Variants in RAB3C observed in about 807,000 individuals in gnomAD.
RAB3C encodes RAB3C, member RAS oncogene family, also known as ras-related protein Rab-3C.
In RAB3C, 17 loss-of-function variants were observed where a neutral mutation model predicts 26.4. The observed-to-expected ratio is 0.64, with a 90% confidence interval of 0.44 to 0.97. The LOEUF (loss-of-function observed/expected upper bound fraction) is 0.97. RAB3C is among the 50% of genes least tolerant of loss of function. The pLI, the probability that RAB3C is intolerant of heterozygous loss-of-function variation, is 0.00. For synonymous variants in RAB3C, 91 were observed against 95.9 expected, an observed-to-expected ratio of 0.95 and a Z score of 0.30; for missense variants, 242 against 281.9, an observed-to-expected ratio of 0.86 and a Z score of 1.01.
chr5:58,820,881 G>T (rs1743324973), intron 3 of RAB3C, among the ~76,000 whole-genome samples: 1 of 152,124 alleles, frequency 6.6e-6, no homozygotes, highest in Non-Finnish European at 1.5e-5. Context: ...ACCTATTACA[G>T]CAGCCTGAGA....
intron 2 of RAB3C, chr5:58,644,331 G>A (rs1302623448): frequency 1.3e-5 from 2 of 152,202 alleles, no homozygotes; most frequent in African/African-American, 2.4e-5. Flanking sequence ...ACTTCTCTGA[G>A]CTTCAGTTGT....
intron 1 of RAB3C, among the ~76,000 whole-genome samples, chr5:58,609,466 TAGTGCAA>T (rs569844134): frequency 1.1e-3 from 162 of 152,292 alleles, no homozygotes; most frequent in African/African-American, 3.7e-3. Context: ...CTTCTAGGGA[TAGTGCAA>T]AGATTAGGTG....
At chr5:58,782,344 A>G (rs1217079325) in intron 3 of RAB3C, among the ~76,000 whole-genome samples, 1 of 152,138 alleles carries the variant, frequency 6.6e-6, no homozygotes, top group Non-Finnish European at 1.5e-5. Flanking sequence ...TCAAAAATCT[A>G]CATGCCCCCC....
At chr5:58,724,823 C>T (rs773220561) in intron 2 of RAB3C, among the ~76,000 whole-genome samples, 16 of 151,524 alleles carry the variant, frequency 1.1e-4, no homozygotes, top group Non-Finnish European at 2.1e-4. Context: ...AAAAAAAACC[C>T]TCTGCACTTT....
intron 3 of RAB3C, among the ~76,000 whole-genome samples, chr5:58,750,108 C>T (rs1207800346): frequency 1.3e-5 from 2 of 151,994 alleles, no homozygotes; most frequent in East Asian, 3.9e-4. Flanking sequence ...TAACCTGTAT[C>T]AAACAATTTT....
At chr5:58,592,135 G>A (rs1365052602) in intron 1 of RAB3C, among the ~76,000 whole-genome samples, 4 of 151,996 alleles carry the variant, frequency 2.6e-5, no homozygotes, top group Non-Finnish European at 5.9e-5. Context: ...CTGACCTCAG[G>A]TGATCCACCT....
At chr5:58,702,403 GC>G (rs1461260555) in intron 2 of RAB3C, among the ~76,000 whole-genome samples, 1 of 151,826 alleles carries the variant, frequency 6.6e-6, no homozygotes, top group Non-Finnish European at 1.5e-5. Flanking sequence ...GGCTATTCTT[GC>G]CCTACAAAGC....
intron 3 of RAB3C, among the ~76,000 whole-genome samples, chr5:58,768,000 C>G (rs1741945711): frequency 6.6e-6 from 1 of 152,080 alleles, no homozygotes; most frequent in South Asian, 2.1e-4. Flanking sequence ...AAAAGCCAGC[C>G]CCTGACACAG....
At chr5:58,587,159 A>G (rs544485284) in intron 1 of RAB3C, among the ~76,000 whole-genome samples, 1 of 152,300 alleles carries the variant, frequency 6.6e-6, no homozygotes, top group Admixed American at 6.5e-5. Context: ...GCAAAAATTC[A>G]CTTTTGTAGT....
At chr5:58,661,800 C>T (rs1218259899) in intron 2 of RAB3C, among the ~76,000 whole-genome samples, 7 of 149,056 alleles carry the variant, frequency 4.7e-5, no homozygotes, top group Admixed American at 4.6e-4. Flanking sequence ...TCCTCTGAAG[C>T]TCACATGATA....
chr5:58,795,761 A>T (rs1742630733), intron 3 of RAB3C, among the ~76,000 whole-genome samples: 1 of 152,312 alleles, frequency 6.6e-6, no homozygotes, highest in East Asian at 1.9e-4. Flanking sequence ...GAGCTGATGC[A>T]AAGAAATTCT....
chr5:58,825,196 T>C (rs760310987), intron 4 of RAB3C, 34 bp downstream of exon 4: 18 of 1,592,588 alleles, frequency 1.1e-5, no homozygotes, highest in Non-Finnish European at 1.0e-5. Flanking sequence ...AAAAGAAAGA[T>C]AATTTGCTTA....
At chr5:58,714,620 T>C (rs1186187140) in intron 2 of RAB3C, among the ~76,000 whole-genome samples, 1 of 152,106 alleles carries the variant, frequency 6.6e-6, no homozygotes, top group Non-Finnish European at 1.5e-5. Flanking sequence ...GTTTAAAATA[T>C]AAAACATTGT....
At chr5:58,599,640 T>A (rs1010019420) in intron 1 of RAB3C, among the ~76,000 whole-genome samples, 1 of 152,154 alleles carries the variant, frequency 6.6e-6, no homozygotes, top group Non-Finnish European at 1.5e-5. Flanking sequence ...TGGCCTTTGA[T>A]ACTAGTAGGA....
At chr5:58,621,718 G>T (rs1345500371) in intron 2 of RAB3C, among the ~76,000 whole-genome samples, 1 of 152,138 alleles carries the variant, frequency 6.6e-6, no homozygotes, top group Non-Finnish European at 1.5e-5. Context: ...TGGGATTACA[G>T]GTGTGTGCCA....
rs532811889 is a variant in RAB3C at position 58,739,704 on chromosome 5, G to A, written c.371+13584G>A. Among the ~76,000 whole-genome samples, 142 of 152,234 alleles carry A rather than the reference G, an allele frequency of 9.3e-4. 1 individual carries two copies. In the Middle Eastern group the frequency reaches 0.02, roughly 22 times the overall value. ...CCTTTCTAGACCATCAATTTTCAAA[G>A]CAAGGATAAAAATTATAGTGTAAGT... is the stretch of plus-strand genomic sequence containing the variant. On this transcript the variant is annotated intron_variant, in intron 3 of 4. Transcript: ENST00000282878.
chr5:58,816,325 A>G (rs1374182312), intron 3 of RAB3C, among the ~76,000 whole-genome samples: 1 of 152,200 alleles, frequency 6.6e-6, no homozygotes, highest in Non-Finnish European at 1.5e-5. Flanking sequence ...CCAGAGCTTA[A>G]TCTTTCTTTA....
chr5:58,665,111 C>G (rs1403675951), intron 2 of RAB3C, among the ~76,000 whole-genome samples: 1 of 152,102 alleles, frequency 6.6e-6, no homozygotes, highest in African/African-American at 2.4e-5. Flanking sequence ...CTTCCCTGAC[C>G]AGTTTGTCTA....
At chr5:58,849,824 T>C (rs914868386) in intron 4 of RAB3C, among the ~76,000 whole-genome samples, 1 of 152,234 alleles carries the variant, frequency 6.6e-6, no homozygotes, top group African/African-American at 2.4e-5. Context: ...CAATACTATT[T>C]AAGAAAATAA....
Sources: gnomAD v4.1 joint callset for allele counts (sites outside exome capture counted in the v4.1 genomes callset) on GRCh38, gnomAD v4.1.1 for gene constraint, MANE v1.5 for transcripts, NCBI Gene and HGNC (gene_info 2026-07-23, HGNC 2026-07-21) for gene names.